Variants in SKP2 observed in about 807,000 individuals in gnomAD.
The protein encoded by SKP2 is S-phase kinase-associated protein 2.
Under a neutral mutation model 51.8 loss-of-function variants are expected in SKP2, and 16 were observed. The ratio of observed to expected loss-of-function variants is 0.31; its 90% CI spans 0.21 to 0.47. SKP2 has a LOEUF of 0.47. SKP2 is among the 20% of genes least tolerant of loss of function. The pLI is 1.00. For synonymous variants in SKP2, 176 were observed against 198.6 expected, an observed-to-expected ratio of 0.89 and a Z score of 0.96; for missense variants, 377 against 505.3, an observed-to-expected ratio of 0.75 and a Z score of 2.43.
At chr5:36,152,446 T>C (rs1361580583) in intron 1 of SKP2, among the ~76,000 whole-genome samples, 176 bp downstream of exon 1, 1 of 152,212 alleles carries the variant, frequency 6.6e-6, no homozygotes, top group Non-Finnish European at 1.5e-5. Context: ...GATCAGCGTG[T>C]GGTTTTATTT....
At chr5:36,153,231 T>TATATAG (rs2111937411) in intron 2 of SKP2, among the ~76,000 whole-genome samples, 189 bp downstream of exon 2, 1 of 151,504 alleles carries the variant, frequency 6.6e-6, no homozygotes, top group Admixed American at 6.6e-5. Flanking sequence ...TATATATATA[T>TATATAG]ATATATATAT....
chr5:36,185,308 G>A (rs1745938345), downstream of SKP2, among the ~76,000 whole-genome samples: 1 of 152,122 alleles, frequency 6.6e-6, no homozygotes, highest in African/African-American at 2.4e-5. Flanking sequence ...CATTGCTTTT[G>A]GTGTTTTAGA....
At chr5:36,156,901 C>T (rs375321473) in intron 2 of SKP2, among the ~76,000 whole-genome samples, 379 of 152,102 alleles carry the variant, frequency 2.5e-3, no homozygotes, top group African/African-American at 8.7e-3. Context: ...GTCTTAATAC[C>T]CTTAGGCAAG....
intron 2 of SKP2, among the ~76,000 whole-genome samples, chr5:36,157,822 A>AG (rs1362249454): frequency 6.6e-6 from 1 of 152,200 alleles, no homozygotes; most frequent in Non-Finnish European, 1.5e-5. Flanking sequence ...ATCTGAGTGG[A>AG]GTGGAGTGAT....
intron 2 of SKP2, among the ~76,000 whole-genome samples, chr5:36,156,949 CAT>C (rs1744970063): frequency 6.6e-6 from 1 of 151,788 alleles, no homozygotes; most frequent in Non-Finnish European, 1.5e-5. Flanking sequence ...CAGTAAGAAA[CAT>C]ATTTTACATT....
chr5:36,180,510 C>T (rs1030168577), intron 9 of SKP2, among the ~76,000 whole-genome samples: 10 of 152,176 alleles, frequency 6.6e-5, no homozygotes, highest in Non-Finnish European at 8.8e-5. Flanking sequence ...ACTCAGCTAA[C>T]GTATATTAAA....
At chr5:36,177,113 A>C in intron 8 of SKP2, 72 bp from the exon 9 acceptor site, 1 of 1,293,176 alleles carries the variant, frequency 7.7e-7, no homozygotes, top group Non-Finnish European at 1.1e-6. Context: ...ACTAAACAGT[A>C]GGTTATTTCT....
At chr5:36,189,004 C>G (rs1182491014), downstream of SKP2, among the ~76,000 whole-genome samples, 2 of 152,168 alleles carry the variant, frequency 1.3e-5, no homozygotes, top group Non-Finnish European at 2.9e-5. Context: ...CCCTTTCTTC[C>G]ACTTGATCAA....
chr5:36,163,452 A>G (rs967343068), intron 2 of SKP2, among the ~76,000 whole-genome samples, 193 bp from the exon 3 acceptor site: 1 of 152,254 alleles, frequency 6.6e-6, no homozygotes, highest in Non-Finnish European at 1.5e-5. Context: ...TAAATTACTC[A>G]TCACCACAAT....
rs775625161 is a variant in SKP2 at position 36,184,006 on chromosome 5, CAATAA to C, written c.*1978_*1982del. ...CTACTTTTATAGACTTGTTTTAAAA[CAATAA>C]AACACATTTTTATAAAAATGAGTGC... On this transcript the variant is annotated 3_prime_UTR_variant, in exon 10 of 10. Coordinates refer to ENST00000274255, the MANE Select transcript of SKP2 (RefSeq NM_005983.4). 9 of 1,476,258 alleles carry C rather than the reference CAATAA, an allele frequency of 6.1e-6. No individual in the cohort carries two copies. The South Asian group carries it at 1.1e-4, about 18-fold the overall frequency. 91.4% of individuals were successfully genotyped at this position (1,476,258 alleles called of 1,614,324 possible). A position where few individuals can be genotyped will look rare whatever the true frequency, so the allele number is the denominator to read the frequency against.
rs778000035 is a variant in SKP2 at position 36,177,278 on chromosome 5, A to T, written c.1047A>T (p.Ile349=). ...CACTCAGTCGGTGCTATGATATAAT[A>T]CCTGAAACTTTACTGTAAGTATGTT... The part of the protein sequence containing the change: ...HLSLSRCYDI[I]PETLLELGEI... The change falls in exon 9 of 10, where the codon ATA becomes ATT. Residue 349 remains isoleucine, a synonymous_variant. Transcript: ENST00000274255. 6.3e-7 allele frequency: 1 copy of T among 1,599,082 alleles called. No individual in the cohort carries two copies. The highest frequency in any genetic ancestry group is 1.1e-5 in the South Asian group (1 of 90,748).
chr5:36,167,772 C>CGGG (rs1475456807), intron 4 of SKP2, among the ~76,000 whole-genome samples: 1 of 152,124 alleles, frequency 6.6e-6, no homozygotes, highest in African/African-American at 2.4e-5. Flanking sequence ...GTGTGCGCCA[C>CGGG]CACGCCCAAC....
In SKP2 at chr5:36,171,658, G is replaced by A. The variant is rs1745479862; in HGVS notation, c.826G>A (p.Val276Met). 6.2e-7 allele frequency: 1 copy of A among 1,613,680 alleles called. No individual in the cohort carries two copies. Among genetic ancestry groups the A allele is most frequent in the African/African-American group, 1.3e-5 (1 of 74,918 alleles). Residue 276 changes from valine to methionine, a missense_variant, in exon 7 of 10, where the codon GTG becomes ATG. Transcript: ENST00000274255. ...TGATTTCACTGAAAAGCATGTACAGGTGGCTGTTGCGCATGTGTCAGAGAC... is the reference window on the plus strand; with the variant it reads ...TGATTTCACTGAAAAGCATGTACAGATGGCTGTTGCGCATGTGTCAGAGAC... ...CFDFTEKHVQ[V>M]AVAHVSETIT...
Position 36,184,076 on chromosome 5 carries a change from A to G in SKP2, c.*2045A>G. 1 of 873,748 alleles carries G rather than the reference A, an allele frequency of 1.1e-6. No homozygotes were observed. The highest frequency in any genetic ancestry group is 1.8e-6 in the Non-Finnish European group (1 of 570,586). The allele number at this position is 873,748 out of a possible 1,614,324, so 54.1% of individuals were successfully genotyped here. A position where few individuals can be genotyped will look rare whatever the true frequency, so the allele number is the denominator to read the frequency against. ...ATTCCTTTTTTCTTTCTCTTTTTTT[A>G]AGTGCTGTGGTTAAAATTTGAAAGC... On this transcript the variant is annotated 3_prime_UTR_variant, in exon 10 of 10. Coordinates refer to ENST00000274255, the MANE Select transcript of SKP2 (RefSeq NM_005983.4).
downstream of SKP2, among the ~76,000 whole-genome samples, chr5:36,187,781 G>A (rs117027183): frequency 0.028 from 4,311 of 152,212 alleles, 203 homozygotes; most frequent in East Asian, 0.21. Flanking sequence ...TTCAATTCCC[G>A]GATATCCTTT....
chr5:36,164,311 CA>C (rs1409113456), intron 3 of SKP2, among the ~76,000 whole-genome samples: 4 of 152,192 alleles, frequency 2.6e-5, no homozygotes, highest in African/African-American at 7.2e-5. Flanking sequence ...GACTCACAGA[CA>C]TGTTCCACAC....
intron 9 of SKP2, chr5:36,180,117 C>CA: frequency 2.1e-6 from 1 of 473,140 alleles, no homozygotes; most frequent in Non-Finnish European, 4.2e-6. Context: ...TGCCATCTGC[C>CA]ATTCCTCCTT....
intron 6 of SKP2, chr5:36,192,563 C>G (rs889534971): frequency 2.0e-5 from 3 of 151,066 alleles, no homozygotes; most frequent in Admixed American, 6.6e-5. Context: ...GGCTCTCTTT[C>G]TGCTTATTAA....
chr5:36,182,316 G>C lies in SKP2; in HGVS notation c.*285G>C. On this transcript the variant is annotated 3_prime_UTR_variant, in exon 10 of 10. Transcript: ENST00000274255. Reference sequence around the variant, plus strand: ...AGATACCTTAAAGAGCAAAATTTGAGCCACCTCTTCCAAGTGCCCTTCTTA... The same window carrying C: ...AGATACCTTAAAGAGCAAAATTTGACCCACCTCTTCCAAGTGCCCTTCTTA... 1 of 1,146,086 alleles carries C rather than the reference G, an allele frequency of 8.7e-7. No homozygotes were observed. The highest frequency in any genetic ancestry group is 4.3e-5 in the Admixed American group (1 of 23,328). 71.0% of individuals were successfully genotyped at this position (1,146,086 alleles called of 1,614,324 possible). A position where few individuals can be genotyped will look rare whatever the true frequency, so the allele number is the denominator to read the frequency against.
Sources: allele counts gnomAD v4.1 joint callset (sites outside exome capture counted in the v4.1 genomes callset), GRCh38; gene constraint gnomAD v4.1.1; transcripts MANE v1.5; gene names NCBI Gene and HGNC (gene_info 2026-07-23, HGNC 2026-07-21).